Variants in TOR1A observed in about 807,000 individuals in gnomAD.
TOR1A encodes the protein torsin-1A.
Under a neutral mutation model 31.4 loss-of-function variants are expected in TOR1A, and 18 were observed. That is an observed-to-expected ratio of 0.57 (90% CI 0.40 to 0.85). The LOEUF (loss-of-function observed/expected upper bound fraction) is 0.85, where lower values mean the gene tolerates loss of function less well. TOR1A is among the 40% of genes least tolerant of loss of function. The pLI is 0.00. For missense variants in TOR1A, 375 were observed against 416.4 expected (o/e 0.90, Z 0.87); for synonymous variants, 168 against 165.9 (o/e 1.01, Z -0.10).
chr9:129,823,584 C>T (rs2031244757), intron 1 of TOR1A: 1 of 372,926 alleles, frequency 2.7e-6, no homozygotes, highest in Non-Finnish European at 5.0e-6. Flanking sequence ...TACTGCCATC[C>T]CCCAGCCTCC....
intron 2 of TOR1A, among the ~76,000 whole-genome samples, chr9:129,821,032 T>C (rs1189402287): frequency 6.6e-6 from 1 of 152,204 alleles, no homozygotes; most frequent in African/African-American, 2.4e-5. Context: ...CCAGGCATGG[T>C]GGCTCATACC....
intron 1 of TOR1A, 148 bp from the exon 2 acceptor site, chr9:129,822,994 G>T: frequency 2.6e-6 from 3 of 1,162,254 alleles, no homozygotes; most frequent in South Asian, 1.3e-5. Context: ...TAAGCTCCTG[G>T]CCCAGAGGGG....
intron 1 of TOR1A, 178 bp downstream of exon 1, chr9:129,823,730 C>A: frequency 1.8e-6 from 1 of 549,998 alleles, no homozygotes; most frequent in Non-Finnish European, 3.1e-6. Context: ...CAACCCGGCC[C>A]TAGTGCCATC....
rs546040829 is a variant in TOR1A at position 129,820,152 on chromosome 9, C to T, written c.445-1232G>A. ...TATAACTTTTTTTTTTTGACAGTCT[C>T]GCTCTGTTACCCAGACTGGAGTGCA... On this transcript the variant is annotated intron_variant, in intron 2 of 4. Coordinates refer to ENST00000351698, the MANE Select transcript of TOR1A (RefSeq NM_000113.3). 1.1e-4 allele frequency among the ~76,000 whole-genome samples: 16 copies of T among 151,640 alleles called. No homozygotes were observed. In the East Asian group the frequency reaches 2.1e-3, roughly 20 times the overall value.
Position 129,818,544 on chromosome 9 carries a change from C to T in TOR1A, c.724G>A (p.Val242Met). 3.1e-6 allele frequency: 5 copies of T among 1,614,202 alleles called. No homozygotes were observed. The highest frequency in any genetic ancestry group is 1.7e-6 in the Non-Finnish European group (2 of 1,180,040). Residue 242 changes from valine (V) to methionine (M), a missense_variant, in exon 4 of 5, where the codon GTG becomes ATG. Transcript: ENST00000351698. ...KLKDIEHALS[V>M]SVFNNKNSGF... ...CTGTTCTTGTTATTGAAAACCGACACAGACAACGCGTGTTCAATGTCTTTG... is the reference window on the plus strand; with the variant it reads ...CTGTTCTTGTTATTGAAAACCGACATAGACAACGCGTGTTCAATGTCTTTG...
At chr9:129,822,302 G>GT (rs1255594207) in intron 2 of TOR1A, 2 of 486,872 alleles carry the variant, frequency 4.1e-6, no homozygotes, top group East Asian at 8.3e-5. Context: ...AGTGAGATGT[G>GT]TTGATCTCTA....
At chr9:129,821,775 TC>T (rs1303855434) in intron 2 of TOR1A, 1 of 152,094 alleles carries the variant, frequency 6.6e-6, no homozygotes, top group East Asian at 1.9e-4. Context: ...ATGCCTGTAG[TC>T]ACAGCTACTT....
chr9:129,822,414 C>T, intron 2 of TOR1A, 167 bp downstream of exon 2: 1 of 941,214 alleles, frequency 1.1e-6, no homozygotes. Context: ...ATTAACTGCT[C>T]CACGCATCTC....
rs779502956 is a variant in TOR1A at position 129,822,866 on chromosome 9, T to C, written c.179-20A>G. 1 of 1,614,058 alleles carries C rather than the reference T, an allele frequency of 6.2e-7. No individual in the cohort carries two copies. Among genetic ancestry groups the C allele is most frequent in the South Asian group, 1.1e-5 (1 of 91,074 alleles). On this transcript the variant is annotated intron_variant, in intron 1 of 4. Coordinates refer to ENST00000351698, the MANE Select transcript of TOR1A (RefSeq NM_000113.3). Reference sequence around the variant, plus strand: ...GCAGTGCTGGGAAAGACAAAGCCAATCAGGAGTGGGGAAGAAACAGCGGCA... The same window carrying C: ...GCAGTGCTGGGAAAGACAAAGCCAACCAGGAGTGGGGAAGAAACAGCGGCA...
In TOR1A at chr9:129,813,600, A is replaced by T; in HGVS notation, c.*372T>A. On this transcript the variant is annotated 3_prime_UTR_variant, in exon 5 of 5. Coordinates refer to ENST00000351698, the MANE Select transcript of TOR1A (RefSeq NM_000113.3). ...CAACTTAGAATCTGAGCAGTCTCTC[A>T]TAATGTTAAAAATCATTTTAAATAA... 2 of 353,724 alleles carry T rather than the reference A, an allele frequency of 5.7e-6. 1 individual carries two copies. The highest frequency in any genetic ancestry group is 4.9e-5 in the South Asian group (2 of 40,668). 21.9% of individuals were successfully genotyped at this position (353,724 alleles called of 1,614,324 possible).
Position 129,813,843 on chromosome 9 carries a change from G to C in TOR1A, c.*129C>G, listed in dbSNP as rs2030960029. 2 of 1,395,610 alleles carry C rather than the reference G, an allele frequency of 1.4e-6. No individual in the cohort carries two copies. The highest frequency in any genetic ancestry group is 1.8e-5 in the Admixed American group (1 of 55,368). 86.5% of individuals were successfully genotyped at this position (1,395,610 alleles called of 1,614,324 possible). A position where few individuals can be genotyped will look rare whatever the true frequency, so the allele number is the denominator to read the frequency against. ...GGAAACAATGCCAGGGAGAATTCCTGTCACATCAAACAGGAACATTCACTG... is the reference window on the plus strand; with the variant it reads ...GGAAACAATGCCAGGGAGAATTCCTCTCACATCAAACAGGAACATTCACTG... On this transcript the variant is annotated 3_prime_UTR_variant, in exon 5 of 5. Coordinates refer to ENST00000351698, the MANE Select transcript of TOR1A (RefSeq NM_000113.3).
Position 129,822,657 on chromosome 9 carries a change from C to A in TOR1A, c.368G>T (p.Gly123Val), listed in dbSNP as rs2031213099. The part of the protein sequence containing the change: ...KIIAENIYEG[G>V]LNSDYVHLFV... ...CAGGTGGACATAGTCACTGTTCAGACCACCCTCGTAAATATTCTCTGCGAT... is the reference window on the plus strand; with the variant it reads ...CAGGTGGACATAGTCACTGTTCAGAACACCCTCGTAAATATTCTCTGCGAT... Residue 123 changes from glycine to valine, a missense_variant, in exon 2 of 5, where the codon GGT (glycine) becomes GTT (valine). Transcript: ENST00000351698. The A allele has an allele frequency of 6.2e-7, 1 of 1,614,206 alleles. No homozygotes were observed. Among genetic ancestry groups the A allele is most frequent in the Non-Finnish European group, 8.5e-7 (1 of 1,180,040 alleles).
rs778757469 is a variant in TOR1A at position 129,823,948 on chromosome 9, G to A, written c.138C>T (p.Phe46=). The A allele has an allele frequency of 7.5e-6, 12 of 1,610,604 alleles. No individual in the cohort carries two copies. Among genetic ancestry groups the A allele is most frequent in the Non-Finnish European group, 9.3e-6 (11 of 1,179,314 alleles). The change falls in exon 1 of 5, where the codon TTC becomes TTT. Residue 46 remains phenylalanine (F), a synonymous_variant. Transcript: ENST00000351698. ...GYIYPRLYCL[F]AECCGQKRSL... ...TCCGCTTCTGCCCGCAGCACTCGGC[G>A]AAGAGGCAGTAGAGACGCGGGTAGA...
chr9:129,823,443 G>C (rs992215089), intron 1 of TOR1A: 1 of 274,694 alleles, frequency 3.6e-6, no homozygotes, highest in Non-Finnish European at 7.1e-6. Flanking sequence ...GCCCAGGCCC[G>C]GCCCTCCTGG....
chr9:129,822,939 A>G, intron 1 of TOR1A, 93 bp from the exon 2 acceptor site: 2 of 1,580,966 alleles, frequency 1.3e-6, no homozygotes, highest in African/African-American at 1.3e-5. Flanking sequence ...AAAGCCGTCT[A>G]GACGCCCTCC....
chr9:129,815,170 C>T (rs1195509431), intron 4 of TOR1A, among the ~76,000 whole-genome samples: 1 of 152,260 alleles, frequency 6.6e-6, no homozygotes, highest in Non-Finnish European at 1.5e-5. Context: ...GCTCCGTCCC[C>T]AACCCAAGCT....
chr9:129,824,087 C>G lies in TOR1A; in HGVS notation c.-2G>C. On this transcript the variant is annotated 5_prime_UTR_variant, in exon 1 of 5. Coordinates refer to ENST00000351698, the MANE Select transcript of TOR1A (RefSeq NM_000113.3). ...CAGCACGGCCCGGCCCAGCTTCATG[C>G]CCGGACCCGCGCCACCCTGCTTGTT... The G allele has an allele frequency of 6.4e-7, 1 of 1,570,732 alleles. No homozygotes were observed. Among genetic ancestry groups the G allele is most frequent in the South Asian group, 1.1e-5 (1 of 86,972 alleles).
At chr9:129,816,809 A>G (rs1046472628) in intron 4 of TOR1A, among the ~76,000 whole-genome samples, 3 of 152,242 alleles carry the variant, frequency 2.0e-5, no homozygotes, top group African/African-American at 4.8e-5. Context: ...AAACTATCCA[A>G]CATGTTACAA....
chr9:129,820,244 CCT>C (rs1274991042), intron 2 of TOR1A, among the ~76,000 whole-genome samples: 5 of 152,148 alleles, frequency 3.3e-5, no homozygotes, highest in African/African-American at 1.2e-4. Context: ...GCCTCAGCCC[CCT>C]GAGTAGCTGA....
Sources: allele counts gnomAD v4.1 joint callset (sites outside exome capture counted in the v4.1 genomes callset), GRCh38; gene constraint gnomAD v4.1.1; transcripts MANE v1.5; gene names NCBI Gene and HGNC (gene_info 2026-07-23, HGNC 2026-07-21).